Variants in STT3B observed in about 807,000 individuals in gnomAD.
The protein encoded by STT3B is STT3 oligosaccharyltransferase complex catalytic subunit B.
STT3B carries 29 observed loss-of-function variants against 96.8 expected under a neutral mutation model. The observed-to-expected ratio is 0.30, with a 90% CI of 0.22 to 0.41. STT3B has a LOEUF of 0.41. Ranked by LOEUF, STT3B falls within the 10% of genes least tolerant of loss-of-function variation. The pLI, the probability that STT3B is intolerant of heterozygous loss-of-function variation, is 1.00. For synonymous variants in STT3B, 367 were observed against 360.0 expected, an observed-to-expected ratio of 1.02 and a Z score of -0.22; for missense variants, 640 against 1,022.3, an observed-to-expected ratio of 0.63 and a Z score of 5.10.
intron 5 of STT3B, among the ~76,000 whole-genome samples, chr3:31,611,782 C>T (rs776495449): frequency 2.0e-5 from 3 of 152,126 alleles, no homozygotes; most frequent in African/African-American, 4.8e-5. Flanking sequence ...CAGGTGTGAG[C>T]CATCATGCCT....
chr3:31,564,274 A>G (rs1697948504), intron 1 of STT3B, among the ~76,000 whole-genome samples: 1 of 152,202 alleles, frequency 6.6e-6, no homozygotes, highest in South Asian at 2.1e-4. Context: ...TGGGTCATAT[A>G]TAAAATAGTT....
At chr3:31,623,255 TC>T (rs1699467446) in intron 10 of STT3B, among the ~76,000 whole-genome samples, 1 of 152,226 alleles carries the variant, frequency 6.6e-6, no homozygotes, top group South Asian at 2.1e-4. Context: ...TGCAGTTTTT[TC>T]CTATACTAAA....
intron 1 of STT3B, among the ~76,000 whole-genome samples, chr3:31,557,656 G>A (rs556428924): frequency 1.5e-4 from 22 of 151,530 alleles, no homozygotes; most frequent in South Asian, 4.2e-4. Context: ...TTTTTGAGAC[G>A]GAGTCTTGCT....
intron 6 of STT3B, among the ~76,000 whole-genome samples, 180 bp from the exon 7 acceptor site, chr3:31,616,747 CAG>C (rs1265247619): frequency 2.7e-5 from 4 of 150,284 alleles, no homozygotes; most frequent in East Asian, 1.9e-4. Context: ...AAAAAAGTCA[CAG>C]AATTTTTTGG....
intron 1 of STT3B, among the ~76,000 whole-genome samples, chr3:31,571,478 A>G (rs1312004041): frequency 6.6e-6 from 1 of 152,098 alleles, no homozygotes; most frequent in African/African-American, 2.4e-5. Flanking sequence ...ATCATCTTCT[A>G]CTCACAGCAC....
intron 14 of STT3B, 140 bp downstream of exon 14, chr3:31,629,551 A>G: frequency 2.0e-6 from 1 of 494,628 alleles, no homozygotes; most frequent in Non-Finnish European, 3.5e-6. Flanking sequence ...TTTTTTCATT[A>G]AATTTAGATT....
chr3:31,543,302 A>G (rs1382878937), intron 1 of STT3B, among the ~76,000 whole-genome samples: 1 of 152,210 alleles, frequency 6.6e-6, no homozygotes, highest in African/African-American at 2.4e-5. Context: ...GTTCTTTGCC[A>G]AAGTTGGTAA....
At chr3:31,628,398 T>TTG (rs1415880451) in intron 13 of STT3B, among the ~76,000 whole-genome samples, 1 of 152,210 alleles carries the variant, frequency 6.6e-6, no homozygotes, top group African/African-American at 2.4e-5. Flanking sequence ...GTTGCATTTT[T>TTG]TGTGTGTGTG....
intron 3 of STT3B, among the ~76,000 whole-genome samples, chr3:31,585,474 C>T (rs1051957601): frequency 6.6e-6 from 1 of 152,062 alleles, no homozygotes; most frequent in African/African-American, 2.4e-5. Flanking sequence ...TATTTACGAG[C>T]ACCAGAGTAT....
At chr3:31,591,244 G>A (rs1469596841) in intron 3 of STT3B, among the ~76,000 whole-genome samples, 3 of 152,058 alleles carry the variant, frequency 2.0e-5, no homozygotes, top group African/African-American at 7.2e-5. Flanking sequence ...CTCTAGGAAT[G>A]TTGTCTTAAA....
intron 1 of STT3B, among the ~76,000 whole-genome samples, chr3:31,563,803 C>T (rs1264303311): frequency 1.3e-5 from 2 of 152,116 alleles, no homozygotes; most frequent in Non-Finnish European, 2.9e-5. Context: ...AAATTAGACC[C>T]TTATTCAGAC....
intron 3 of STT3B, 64 bp downstream of exon 3, chr3:31,580,160 G>C (rs765233978): frequency 1.5e-5 from 23 of 1,503,992 alleles, no homozygotes; most frequent in Non-Finnish European, 2.1e-5. Flanking sequence ...AACACTTTAG[G>C]CTGTACGCAG....
chr3:31,604,932 C>G (rs1300252565), intron 5 of STT3B, among the ~76,000 whole-genome samples: 2 of 152,116 alleles, frequency 1.3e-5, no homozygotes, highest in African/African-American at 4.8e-5. Context: ...CTTTGATGTC[C>G]TTAGGCCTTA....
chr3:31,615,064 G>A lies in STT3B; in HGVS notation c.878-41G>A, dbSNP rs372887380. On this transcript the variant is annotated intron_variant, in intron 5 of 15. Coordinates refer to ENST00000295770, the MANE Select transcript of STT3B (RefSeq NM_178862.3). ...ACATTTATGTTTTAGGTACTTAATG[G>A]TAGTAGTAAATTATCCTTGTTTCCT... The A allele has an allele frequency of 9.8e-6, 12 of 1,226,954 alleles. No homozygotes were observed. In the African/African-American group the frequency reaches 1.2e-4, roughly 12 times the overall value. 76.0% of individuals were successfully genotyped at this position (1,226,954 alleles called of 1,614,324 possible).
At chr3:31,581,567 C>A (rs772956792) in intron 3 of STT3B, among the ~76,000 whole-genome samples, 2 of 152,110 alleles carry the variant, frequency 1.3e-5, no homozygotes, top group Non-Finnish European at 2.9e-5. Context: ...GGTATATAAT[C>A]TTTTTCATAT....
intron 15 of STT3B, among the ~76,000 whole-genome samples, chr3:31,635,251 CAT>C (rs773034581): frequency 1.3e-5 from 2 of 152,118 alleles, no homozygotes; most frequent in African/African-American, 2.4e-5. Context: ...GATTGAAAGA[CAT>C]ATGTGCCTAT....
At chr3:31,598,488 C>T (rs1178767573) in intron 4 of STT3B, among the ~76,000 whole-genome samples, 3 of 152,088 alleles carry the variant, frequency 2.0e-5, no homozygotes, top group Non-Finnish European at 1.5e-5. Context: ...TGAGAAAAAG[C>T]TGTAGAAAGA....
At chr3:31,597,912 G>A (rs1219790716) in intron 4 of STT3B, among the ~76,000 whole-genome samples, 3 of 149,130 alleles carry the variant, frequency 2.0e-5, no homozygotes, top group East Asian at 2.0e-4. Flanking sequence ...CTCGGCTCAC[G>A]GCAACCTCGG....
intron 1 of STT3B, among the ~76,000 whole-genome samples, chr3:31,572,280 A>C (rs916784694): frequency 3.4e-5 from 5 of 148,482 alleles, no homozygotes; most frequent in African/African-American, 1.2e-4. Flanking sequence ...CTTGAACCAG[A>C]ATTTTCTCTT....
Sources: gnomAD v4.1 joint callset for allele counts (sites outside exome capture counted in the v4.1 genomes callset) on GRCh38, gnomAD v4.1.1 for gene constraint, MANE v1.5 for transcripts, NCBI Gene and HGNC (gene_info 2026-07-23, HGNC 2026-07-21) for gene names.